RIMBP2: variants seen among roughly 807,000 people sequenced by gnomAD.
The protein encoded by RIMBP2 is RIMS binding protein 2, also known as RIMS-binding protein 2.
RIMBP2 carries 48 observed loss-of-function variants against 118.6 expected under a neutral mutation model. The observed-to-expected ratio is 0.40, with a 90% CI of 0.32 to 0.51. The LOEUF is 0.51. Among genes scored for constraint, RIMBP2 ranks in the 20% least tolerant of loss-of-function variants. The pLI is 0.41. For synonymous variants in RIMBP2, 762 were observed against 742.9 expected (o/e 1.03, Z -0.42); for missense variants, 1,551 against 1,768.3 (o/e 0.88, Z 2.20).
At chr12:130,438,334 A>ATGCCCCCCCCCCCCC in intron 12 of RIMBP2, 31 bp downstream of exon 12, 1 of 1,344,512 alleles carries the variant, frequency 7.4e-7, no homozygotes, top group Non-Finnish European at 1.1e-6. Context: ...GGGCCTAACA[A>ATGCCCCCCCCCCCCC]ACCCTCCCCA....
intron 1 of RIMBP2, among the ~76,000 whole-genome samples, chr12:130,634,220 A>G (rs933747792): frequency 1.3e-5 from 2 of 152,150 alleles, no homozygotes; most frequent in African/African-American, 4.8e-5. Flanking sequence ...ACAGAATTAC[A>G]TATCCTTGGG....
At position 130,523,592 on chromosome 12, in the gene RIMBP2, C is replaced by T. The variant is rs567084732; in HGVS notation, c.-216-5675G>A. Among the ~76,000 whole-genome samples the T allele has an allele frequency of 5.3e-5, 8 of 152,294 alleles. No homozygotes were observed. In the East Asian group the frequency reaches 1.2e-3, roughly 22 times the overall value. ...TCCCCATTTCAATGGACAAGGTGGC[C>T]GCTTCTCTGGGGGAGAAACTGACAA... is the stretch of plus-strand genomic sequence containing the variant. On this transcript the variant is annotated intron_variant, in intron 2 of 22. Transcript: ENST00000690449. This position sits in a 1 kb window ranked among gnomAD's most constrained non-coding sequence, Gnocchi z 4.4.
At position 130,621,563 on chromosome 12, in the gene RIMBP2, G is replaced by A. The variant is rs1049265151; in HGVS notation, c.-217+6759C>T. Among the ~76,000 whole-genome samples, 7 of 152,190 alleles carry A rather than the reference G, an allele frequency of 4.6e-5. No homozygotes were observed. The highest frequency in any genetic ancestry group is 4.2e-4 in the South Asian group (2 of 4,812). Reference sequence around the variant, plus strand: ...CTGTCATCTGAAATCTGAAGATCGCGACACACATAATATAATACCACGGGG... The same window carrying A: ...CTGTCATCTGAAATCTGAAGATCGCAACACACATAATATAATACCACGGGG... On this transcript the variant is annotated intron_variant, in intron 2 of 22. Coordinates refer to ENST00000690449, the MANE Select transcript of RIMBP2 (RefSeq NM_001393629.1). This position sits in a 1 kb window ranked among gnomAD's most constrained non-coding sequence, Gnocchi z 6.6.
chr12:130,711,824 G>C (rs373495241), intron 1 of RIMBP2, among the ~76,000 whole-genome samples: 1 of 152,184 alleles, frequency 6.6e-6, no homozygotes, highest in Non-Finnish European at 1.5e-5. Flanking sequence ...AGGTGATTTC[G>C]TCACTGAGCG....
intron 6 of RIMBP2, among the ~76,000 whole-genome samples, chr12:130,460,386 T>C (rs1043472451): frequency 1.3e-5 from 2 of 152,184 alleles, no homozygotes; most frequent in African/African-American, 4.8e-5. Flanking sequence ...CTAGTATCAG[T>C]AGTACTGGTA....
intron 20 of RIMBP2, 104 bp from the exon 21 acceptor site, chr12:130,406,347 G>T: frequency 1.4e-6 from 1 of 709,112 alleles, no homozygotes; most frequent in Non-Finnish European, 2.4e-6. Context: ...AGAATTTCTG[G>T]TATTAATCTA....
At chr12:130,610,373 G>T (rs970416230) in intron 2 of RIMBP2, among the ~76,000 whole-genome samples, 1 of 152,134 alleles carries the variant, frequency 6.6e-6, no homozygotes, top group Non-Finnish European at 1.5e-5. Flanking sequence ...CATCTGTGTG[G>T]CCCCAAAAGT....
Position 130,422,425 on chromosome 12 carries a change from A to T in RIMBP2, c.3238+28T>A. On this transcript the variant is annotated intron_variant, in intron 17 of 22. Transcript: ENST00000690449. This position sits in a 1 kb window ranked among gnomAD's most constrained non-coding sequence, Gnocchi z 5.2. ...CAGCCACATGCTCCGCGGCTGAAAGACACAACAGCGATGATGGGGCCACTA... is the reference window on the plus strand; with the variant it reads ...CAGCCACATGCTCCGCGGCTGAAAGTCACAACAGCGATGATGGGGCCACTA... 1 of 1,514,340 alleles carries T rather than the reference A, an allele frequency of 6.6e-7. No individual in the cohort carries two copies. The highest frequency in any genetic ancestry group is 1.1e-5 in the South Asian group (1 of 87,766). The allele number at this position is 1,514,340 out of a possible 1,614,324, so 93.8% of individuals were successfully genotyped here.
intron 2 of RIMBP2, among the ~76,000 whole-genome samples, chr12:130,529,691 G>A (rs1446761989): frequency 2.0e-5 from 3 of 152,090 alleles, no homozygotes; most frequent in South Asian, 2.1e-4. Flanking sequence ...GGGCTATAAG[G>A]CATCAGTCCC....
At position 130,442,273 on chromosome 12, in the gene RIMBP2, T is replaced by C. The variant is rs78067928; in HGVS notation, c.1079A>G (p.Asn360Ser). The change falls in exon 11 of 23, where the codon AAC becomes AGC. Residue 360 changes from asparagine to serine, a missense_variant. This residue lies in a region of RIMBP2 where 265 missense variants were observed against 349.5 expected (regional missense o/e 0.76). Coordinates refer to ENST00000690449, the MANE Select transcript of RIMBP2 (RefSeq NM_001393629.1). This position sits in a 1 kb window ranked among gnomAD's most constrained non-coding sequence, Gnocchi z 6.9. ...NVLVDKETRM[N>S]LTLGSRTKAL... ...TTTAGTTCTGCTCCCCAGCGTGAGG[T>C]TCATGCGTGTCTCCTTGTCCACCAG... is the stretch of plus-strand genomic sequence containing the variant. The C allele has an allele frequency of 1.9e-6, 3 of 1,613,988 alleles. No individual in the cohort carries two copies. Among genetic ancestry groups the C allele is most frequent in the South Asian group, 2.2e-5 (2 of 91,076 alleles).
intron 4 of RIMBP2, among the ~76,000 whole-genome samples, chr12:130,504,974 C>T (rs1773526965): frequency 6.6e-6 from 1 of 152,224 alleles, no homozygotes; most frequent in African/African-American, 2.4e-5. Context: ...CTCCGCTAAG[C>T]TCCTTCCTCC....
At chr12:130,397,937 G>T in intron 22 of RIMBP2, 1 of 157,382 alleles carries the variant, frequency 6.4e-6, no homozygotes, top group East Asian at 1.8e-4. Context: ...AGGGAATTTT[G>T]TTGTATTTGA....
At chr12:130,637,306 C>T (rs1306920912) in intron 1 of RIMBP2, among the ~76,000 whole-genome samples, 2 of 152,194 alleles carry the variant, frequency 1.3e-5, no homozygotes, top group Non-Finnish European at 2.9e-5. Context: ...GGAGTAGAGT[C>T]CTTGTTGGTC....
Position 130,428,241 on chromosome 12 carries a change from C to G in RIMBP2, c.2350G>C (p.Glu784Gln). The stretch of plus-strand genomic sequence containing the variant: ...CTTCCCCCATCTTCCAGCTGCATTT[C>G]AGAATACAGCTCCTCCTCGTCCTCC... ...MEEDEEELYS[E>Q]MQLEDGGRRR... Residue 784 changes from glutamate (E) to glutamine (Q), a missense_variant, in exon 15 of 23, where the codon GAA (glutamate) becomes CAA (glutamine). By Grantham distance (29) the Glu-to-Gln change is conservative. Coordinates refer to ENST00000690449, the MANE Select transcript of RIMBP2 (RefSeq NM_001393629.1). The G allele has an allele frequency of 6.2e-7, 1 of 1,613,502 alleles. No individual in the cohort carries two copies. Among genetic ancestry groups the G allele is most frequent in the Middle Eastern group, 1.7e-4 (1 of 6,058 alleles).
intron 2 of RIMBP2, among the ~76,000 whole-genome samples, chr12:130,528,263 C>A (rs931548175): frequency 9.2e-5 from 14 of 152,240 alleles, no homozygotes; most frequent in Middle Eastern, 6.8e-3. Flanking sequence ...TACTATGCAG[C>A]CATAAAAAGG....
intron 1 of RIMBP2, among the ~76,000 whole-genome samples, chr12:130,687,121 C>T (rs1261408774): frequency 6.6e-6 from 1 of 152,132 alleles, no homozygotes; most frequent in African/African-American, 2.4e-5. Flanking sequence ...CGCCCAGATC[C>T]TGCTGCTAAA....
intron 2 of RIMBP2, among the ~76,000 whole-genome samples, chr12:130,556,915 C>T (rs961289696): frequency 6.6e-6 from 1 of 152,164 alleles, no homozygotes; most frequent in Non-Finnish European, 1.5e-5. Flanking sequence ...AGACGTCTTG[C>T]ATCTCGGCTT....
At chr12:130,640,818 A>C (rs558159447) in intron 1 of RIMBP2, among the ~76,000 whole-genome samples, 1 of 152,212 alleles carries the variant, frequency 6.6e-6, no homozygotes, top group Non-Finnish European at 1.5e-5. Flanking sequence ...ACACAGACCA[A>C]GGGGAGAGAG....
chr12:130,409,108 TC>T (rs2075454171), intron 19 of RIMBP2, among the ~76,000 whole-genome samples: 1 of 152,172 alleles, frequency 6.6e-6, no homozygotes, highest in African/African-American at 2.4e-5. Context: ...TACATGTACT[TC>T]TCACTGAAGT....
Sources: gnomAD v4.1 joint callset for allele counts (sites outside exome capture counted in the v4.1 genomes callset) on GRCh38, gnomAD v4.1.1 for gene constraint, gnomAD v4.1.1 regional missense constraint, Gnocchi (gnomAD v3.1) non-coding constraint, MANE v1.5 for transcripts, NCBI Gene and HGNC (gene_info 2026-07-23, HGNC 2026-07-21) for gene names.